Variants in XXYLT1 observed in about 807,000 individuals in gnomAD.
The protein encoded by XXYLT1 is xyloside xylosyltransferase 1, also known as UDP-xylose:alpha-xyloside alpha-1,3-xylosyltransferase.
In XXYLT1, 20 loss-of-function variants were observed where a neutral mutation model predicts 28.9. The observed-to-expected ratio is 0.69, with a 90% CI of 0.49 to 1.00. The LOEUF (loss-of-function observed/expected upper bound fraction) is 1.00, where lower values mean the gene tolerates loss of function less well. Ranked by LOEUF, XXYLT1 falls within the 50% of genes least tolerant of loss-of-function variation. The pLI, the probability that XXYLT1 is intolerant of heterozygous loss-of-function variation, is 0.00. For missense variants in XXYLT1, 542 were observed against 560.1 expected, an observed-to-expected ratio of 0.97 and a Z score of 0.33; for synonymous variants, 257 against 253.8, an observed-to-expected ratio of 1.01 and a Z score of -0.12.
At chr3:195,083,752 A>G (rs995334090) in intron 3 of XXYLT1, among the ~76,000 whole-genome samples, 6 of 152,236 alleles carry the variant, frequency 3.9e-5, no homozygotes, top group African/African-American at 1.2e-4. Flanking sequence ...CTGGCGGTGC[A>G]CAGTGGCTCA....
intron 2 of XXYLT1, among the ~76,000 whole-genome samples, chr3:195,189,078 G>T (rs954195624): frequency 2.0e-5 from 3 of 152,154 alleles, no homozygotes; most frequent in Non-Finnish European, 4.4e-5. Context: ...GATTTACATT[G>T]ATTAACTTAT....
rs1279396064 is a variant in XXYLT1 at position 195,133,439 on chromosome 3, C to G, written c.785+23010G>C. On this transcript the variant is annotated intron_variant, in intron 3 of 3. Coordinates refer to ENST00000310380, the MANE Select transcript of XXYLT1 (RefSeq NM_152531.5). This position sits in a 1 kb window ranked among gnomAD's most constrained non-coding sequence, Gnocchi z 4.4. ...AGGTGTCCAAGAGTTTCTGGAAGTTCTACAGGCAAATGTGATCAAAGACCT... is the reference window on the plus strand; with the variant it reads ...AGGTGTCCAAGAGTTTCTGGAAGTTGTACAGGCAAATGTGATCAAAGACCT... Among the ~76,000 whole-genome samples, 1 of 152,062 alleles carries G rather than the reference C, an allele frequency of 6.6e-6. No individual in the cohort carries two copies. Among genetic ancestry groups the G allele is most frequent in the East Asian group, 1.9e-4 (1 of 5,200 alleles).
At chr3:195,252,934 G>A (rs967155071) in intron 1 of XXYLT1, among the ~76,000 whole-genome samples, 44 of 152,296 alleles carry the variant, frequency 2.9e-4, no homozygotes, top group East Asian at 3.9e-4. Context: ...CCCCTATTCA[G>A]TAACGTGAGT....
chr3:195,080,733 G>T (rs1715386683), intron 3 of XXYLT1, among the ~76,000 whole-genome samples: 1 of 152,192 alleles, frequency 6.6e-6, no homozygotes, highest in Non-Finnish European at 1.5e-5. Context: ...AGGCGGCAGG[G>T]AGGGTATGTG....
chr3:195,268,862 C>T (rs771838678), intron 1 of XXYLT1, among the ~76,000 whole-genome samples: 8 of 152,190 alleles, frequency 5.3e-5, no homozygotes, highest in Non-Finnish European at 1.0e-4. Flanking sequence ...GGATCTACCC[C>T]TGGGCCAATA....
Position 195,069,589 on chromosome 3 carries a change from C to T in XXYLT1, c.*126G>A. On this transcript the variant is annotated 3_prime_UTR_variant, in exon 4 of 4. Coordinates refer to ENST00000310380, the MANE Select transcript of XXYLT1 (RefSeq NM_152531.5). ...TGACCTGCCCGGCAGGAGGTCTCAG[C>T]ACCTTAATCACAGGACTTCCCTGCG... The T allele has an allele frequency of 2.2e-6, 3 of 1,385,216 alleles. No homozygotes were observed. The highest frequency in any genetic ancestry group is 2.9e-6 in the Non-Finnish European group (3 of 1,029,938). The allele number at this position is 1,385,216 out of a possible 1,614,324, so 85.8% of individuals were successfully genotyped here. A position where few individuals can be genotyped will look rare whatever the true frequency, so the allele number is the denominator to read the frequency against.
chr3:195,232,062 C>T (rs1724323419), intron 1 of XXYLT1, among the ~76,000 whole-genome samples: 1 of 152,060 alleles, frequency 6.6e-6, no homozygotes, highest in African/African-American at 2.4e-5. Context: ...GATCTAATTA[C>T]TTGTTATTGG....
intron 3 of XXYLT1, among the ~76,000 whole-genome samples, chr3:195,134,191 G>T (rs772020449): frequency 5.3e-5 from 8 of 152,206 alleles, no homozygotes; most frequent in Non-Finnish European, 1.0e-4. Context: ...GCTGCAGTAA[G>T]CTCAGGTTAA....
chr3:195,086,567 G>T (rs545083603), intron 3 of XXYLT1, among the ~76,000 whole-genome samples: 1 of 152,252 alleles, frequency 6.6e-6, no homozygotes, highest in African/African-American at 2.4e-5. Flanking sequence ...GCCAGTTTAG[G>T]ATGGGCCCTG....
rs1231984730 is a variant in XXYLT1, at chr3:195,176,627, T to C, written c.653-20046A>G. On this transcript the variant is annotated intron_variant, in intron 2 of 3. Transcript: ENST00000310380. The surrounding 1 kb of genome is among the most constrained non-coding windows in gnomAD (Gnocchi z 4.9). ...TTCTCCAGTTCCTCATGTTTGGAGA[T>C]ACATTGATGTTGATGAGGCTGGAGA... Among the ~76,000 whole-genome samples the C allele has an allele frequency of 2.6e-5, 4 of 152,214 alleles. No homozygotes were observed. The highest frequency in any genetic ancestry group is 9.6e-5 in the African/African-American group (4 of 41,460).
rs188602550 is a variant in XXYLT1, at chr3:195,172,737, A to G, written c.653-16156T>C. ...ATGTGACATTGTGAGAGCTACTGGC[A>G]TCGGATAGTCAGGGAAGGGCTTTTC... On this transcript the variant is annotated intron_variant, in intron 2 of 3. Transcript: ENST00000310380. 2.0e-4 allele frequency among the ~76,000 whole-genome samples: 30 copies of G among 152,352 alleles called. 1 individual carries two copies. Among genetic ancestry groups the G allele is most frequent in the Admixed American group, 1.2e-3 (18 of 15,302 alleles).
Position 195,257,066 on chromosome 3 carries a change from CGT to C in XXYLT1, c.504+13487_504+13488del, listed in dbSNP as rs1301668893. Among the ~76,000 whole-genome samples the C allele has an allele frequency of 1.3e-5, 2 of 152,200 alleles. No individual in the cohort carries two copies. Among genetic ancestry groups the C allele is most frequent in the Non-Finnish European group, 2.9e-5 (2 of 68,030 alleles). On this transcript the variant is annotated intron_variant, in intron 1 of 3. Coordinates refer to ENST00000310380, the MANE Select transcript of XXYLT1 (RefSeq NM_152531.5). The surrounding 1 kb of genome is among the most constrained non-coding windows in gnomAD (Gnocchi z 4.3). ...CTGGATGACTTTCTGCAGGAGAACC[CGT>C]GACAAGAGGGACCGGGAAGCTTTCT...
intron 1 of XXYLT1, among the ~76,000 whole-genome samples, chr3:195,233,627 C>T (rs1477880613): frequency 6.6e-6 from 1 of 152,102 alleles, no homozygotes; most frequent in African/African-American, 2.4e-5. Flanking sequence ...AAAAAACAAG[C>T]AAAAAGAAAA....
intron 3 of XXYLT1, among the ~76,000 whole-genome samples, chr3:195,126,134 G>A (rs1718607716): frequency 7.7e-6 from 1 of 129,112 alleles, no homozygotes; most frequent in African/African-American, 3.1e-5. Flanking sequence ...AGCTGGTGCA[G>A]TTTTCTTTTC....
In XXYLT1 at chr3:195,149,125, G is replaced by A. The variant is rs186744057; in HGVS notation, c.785+7324C>T. On this transcript the variant is annotated intron_variant, in intron 3 of 3. Transcript: ENST00000310380. ...AGACCAGCAACATTTATCAAAGAAG[G>A]CTGACTTAGGTATAAGGATGGTCAA... is the stretch of plus-strand genomic sequence containing the variant. 1.1e-3 allele frequency among the ~76,000 whole-genome samples: 171 copies of A among 152,172 alleles called. 1 individual carries two copies. The highest frequency in any genetic ancestry group is 3.4e-3 in the Middle Eastern group (1 of 294).
chr3:195,114,129 A>T (rs1316364647), intron 3 of XXYLT1, among the ~76,000 whole-genome samples: 1 of 152,260 alleles, frequency 6.6e-6, no homozygotes, highest in Non-Finnish European at 1.5e-5. Context: ...TTAAGGAAGC[A>T]GGATGATCTG....
intron 3 of XXYLT1, among the ~76,000 whole-genome samples, chr3:195,118,499 G>A (rs1471093463): frequency 2.8e-5 from 2 of 72,712 alleles, no homozygotes; most frequent in Non-Finnish European, 6.4e-5. Flanking sequence ...GTGACGCCAG[G>A]TGTGGACATG....
intron 2 of XXYLT1, among the ~76,000 whole-genome samples, chr3:195,181,274 C>G (rs989188961): frequency 7.0e-6 from 1 of 143,290 alleles, no homozygotes; most frequent in Non-Finnish European, 1.5e-5. Flanking sequence ...TGCGTGGCTG[C>G]GTGGCTGCGT....
rs138783052 is a variant in XXYLT1 at position 195,164,796 on chromosome 3, T to C, written c.653-8215A>G. On this transcript the variant is annotated intron_variant, in intron 2 of 3. Transcript: ENST00000310380. ...CACTGAAAACACATTTCATGATGGA[T>C]GTGGACGCTTATCTGTGGGTCCTTG... is the stretch of plus-strand genomic sequence containing the variant. 6.8e-4 allele frequency among the ~76,000 whole-genome samples: 104 copies of C among 152,352 alleles called. 1 individual carries two copies. Among genetic ancestry groups the C allele is most frequent in the African/African-American group, 2.5e-3 (102 of 41,582 alleles).
Sources: allele counts gnomAD v4.1 joint callset (sites outside exome capture counted in the v4.1 genomes callset), GRCh38; gene constraint gnomAD v4.1.1; non-coding constraint Gnocchi (gnomAD v3.1); transcripts MANE v1.5; gene names NCBI Gene and HGNC (gene_info 2026-07-23, HGNC 2026-07-21).